HNMT: variants seen among roughly 807,000 people sequenced by gnomAD.
HNMT encodes histamine N-methyltransferase.
Under a neutral mutation model 32.1 loss-of-function variants are expected in HNMT, and 30 were observed. The observed-to-expected ratio is 0.93, with a 90% CI of 0.70 to 1.27. The LOEUF is 1.27. HNMT is among the 50% of genes most tolerant of loss of function. The probability of loss-of-function intolerance (pLI) is 0.00; values close to 1 mark genes in which losing one functional copy is unlikely to be tolerated. For synonymous variants in HNMT, 125 were observed against 119.0 expected (o/e 1.05, Z -0.33); for missense variants, 327 against 346.0 (o/e 0.95, Z 0.43).
At chr2:137,974,835 C>CAGGTGT (rs1463677261) in intron 2 of HNMT, among the ~76,000 whole-genome samples, 3 of 152,162 alleles carry the variant, frequency 2.0e-5, no homozygotes, top group Non-Finnish European at 2.9e-5. Flanking sequence ...ATATGAAATA[C>CAGGTGT]AGGTGTTATC....
chr2:138,012,575 T>C (rs1156370), intron 5 of HNMT, among the ~76,000 whole-genome samples: 32,389 of 152,004 alleles, frequency 0.21, 3,747 homozygotes, highest in South Asian at 0.3. Flanking sequence ...TTTTCACTGT[T>C]AAAGATTCTT....
chr2:138,001,174 G>A (rs1681159378), intron 3 of HNMT, 149 bp downstream of exon 3: 1 of 497,202 alleles, frequency 2.0e-6, no homozygotes, highest in Non-Finnish European at 3.6e-6. Flanking sequence ...TGGCAGGCAT[G>A]ACTAAACATC....
At position 138,013,962 on chromosome 2, in the gene HNMT, A is replaced by G. The variant is rs1173613116; in HGVS notation, c.711A>G (p.Gly237=). 6.2e-7 allele frequency: 1 copy of G among 1,613,820 alleles called. No homozygotes were observed. The highest frequency in any genetic ancestry group is 1.1e-5 in the South Asian group (1 of 91,068). ...SDCFIDGNEN[G]DLLWDFLTET... ...GCTTTATTGATGGTAATGAAAATGGAGACCTGCTTTGGGATTTTTTGACTG... is the reference window on the plus strand; with the variant it reads ...GCTTTATTGATGGTAATGAAAATGGGGACCTGCTTTGGGATTTTTTGACTG... Residue 237 remains glycine, a synonymous_variant, in exon 6 of 6, where the codon GGA becomes GGG. Coordinates refer to ENST00000280097, the MANE Select transcript of HNMT (RefSeq NM_006895.3).
intron 5 of HNMT, among the ~76,000 whole-genome samples, chr2:138,010,855 G>A (rs954224681): frequency 1.3e-5 from 2 of 152,012 alleles, no homozygotes; most frequent in South Asian, 2.1e-4. Flanking sequence ...TTCTGCAAAT[G>A]TGATAGCCAA....
Position 138,015,618 on chromosome 2 carries a change from G to A in HNMT, c.*1488G>A, listed in dbSNP as rs939372345. The A allele has an allele frequency of 2.6e-5, 4 of 152,184 alleles. No individual in the cohort carries two copies. Among genetic ancestry groups the A allele is most frequent in the South Asian group, 2.1e-4 (1 of 4,816 alleles). The allele number at this position is 152,184 out of a possible 1,614,324, so 9.4% of individuals were successfully genotyped here. ...AATTATATGTTTCAACAAATGAAAC[G>A]ACAGTTATCCAATCAGATTCCTGAA... On this transcript the variant is annotated 3_prime_UTR_variant, in exon 6 of 6. Coordinates refer to ENST00000280097, the MANE Select transcript of HNMT (RefSeq NM_006895.3).
chr2:137,964,595 T>G lies in HNMT; in HGVS notation c.104T>G (p.Phe35Cys), dbSNP rs1296917172. Reference sequence around the variant, plus strand: ...ACGGAACACCAGTGCATGCAGGAATTCATGGACAAGAAGCTGCCAGGCATA... The same window carrying G: ...ACGGAACACCAGTGCATGCAGGAATGCATGGACAAGAAGCTGCCAGGCATA... ...HSTEHQCMQE[F>C]MDKKLPGIIG... Residue 35 changes from phenylalanine to cysteine, a missense_variant, in exon 1 of 6, where the codon TTC becomes TGC. Coordinates refer to ENST00000280097, the MANE Select transcript of HNMT (RefSeq NM_006895.3). 7.4e-6 allele frequency: 12 copies of G among 1,613,654 alleles called. No individual in the cohort carries two copies. The highest frequency in any genetic ancestry group is 8.5e-6 in the Non-Finnish European group (10 of 1,179,800).
At chr2:137,968,623 T>C (rs1680030487) in intron 1 of HNMT, among the ~76,000 whole-genome samples, 1 of 152,240 alleles carries the variant, frequency 6.6e-6, no homozygotes, top group Non-Finnish European at 1.5e-5. Context: ...CTCTGCTTCA[T>C]AGCCTCCCTA....
chr2:137,965,216 C>T (rs1679919534), intron 1 of HNMT, among the ~76,000 whole-genome samples: 1 of 152,156 alleles, frequency 6.6e-6, no homozygotes, highest in South Asian at 2.1e-4. Context: ...GTGAAACTCA[C>T]TGGTTCCTAT....
At chr2:138,001,952 G>A in intron 3 of HNMT, 112 bp from the exon 4 acceptor site, 2 of 771,784 alleles carry the variant, frequency 2.6e-6, no homozygotes, top group Non-Finnish European at 3.8e-6. Flanking sequence ...AAAGAAAAAC[G>A]TTCTTTCTAT....
At chr2:137,972,963 A>G (rs1308280046) in intron 2 of HNMT, among the ~76,000 whole-genome samples, 9 of 152,190 alleles carry the variant, frequency 5.9e-5, no homozygotes, top group African/African-American at 2.2e-4. Flanking sequence ...GGAAGCTAAT[A>G]CAGAGAACTT....
chr2:137,965,739 T>C (rs1373774837), intron 1 of HNMT, among the ~76,000 whole-genome samples: 1 of 152,180 alleles, frequency 6.6e-6, no homozygotes, highest in East Asian at 1.9e-4. Context: ...TTTCTAAAGT[T>C]AAAGGTAATG....
At chr2:137,988,915 T>G (rs1680733604) in intron 2 of HNMT, among the ~76,000 whole-genome samples, 1 of 152,174 alleles carries the variant, frequency 6.6e-6, no homozygotes, top group South Asian at 2.1e-4. Flanking sequence ...TGTTTTATTT[T>G]AAAGAAAGGT....
intron 2 of HNMT, among the ~76,000 whole-genome samples, chr2:137,985,876 T>C (rs1573656658): frequency 6.6e-6 from 1 of 152,112 alleles, no homozygotes; most frequent in East Asian, 1.9e-4. Context: ...ACTTGCATTA[T>C]AAAGTATCCT....
At chr2:137,995,710 CA>C (rs995074703) in intron 2 of HNMT, among the ~76,000 whole-genome samples, 10 of 151,104 alleles carry the variant, frequency 6.6e-5, no homozygotes, top group East Asian at 1.9e-4. Flanking sequence ...AGAGACACAA[CA>C]AAAAAAAGGA....
At chr2:137,998,154 A>G (rs1433311561) in intron 2 of HNMT, among the ~76,000 whole-genome samples, 1 of 152,172 alleles carries the variant, frequency 6.6e-6, no homozygotes, top group Non-Finnish European at 1.5e-5. Flanking sequence ...AAATAAAAAA[A>G]AGCACAGAAT....
chr2:137,986,297 G>A (rs950788650), intron 2 of HNMT, among the ~76,000 whole-genome samples: 16 of 151,290 alleles, frequency 1.1e-4, no homozygotes, highest in African/African-American at 3.9e-4. Flanking sequence ...GTAAAATAAG[G>A]AATTAGCTTA....
intron 1 of HNMT, among the ~76,000 whole-genome samples, chr2:137,969,191 T>C (rs1444024924): frequency 2.6e-5 from 4 of 152,206 alleles, no homozygotes; most frequent in Non-Finnish European, 4.4e-5. Flanking sequence ...TTTATTTCTT[T>C]TCTTCTCTGT....
intron 2 of HNMT, among the ~76,000 whole-genome samples, chr2:137,970,943 AAGAAAGAAAG>A (rs1680114886): frequency 7.4e-5 from 2 of 26,990 alleles, no homozygotes; most frequent in African/African-American, 3.2e-4. Context: ...AAAAGAAAGA[AAGAAAGAAAG>A]AAAGAAAGAA....
At chr2:137,988,569 G>A (rs1680722146) in intron 2 of HNMT, 1 of 152,052 alleles carries the variant, frequency 6.6e-6, no homozygotes, top group Non-Finnish European at 1.5e-5. Context: ...AAACAGGCAA[G>A]AGGATTATAT....
Sources: gnomAD v4.1 joint callset for allele counts (sites outside exome capture counted in the v4.1 genomes callset) on GRCh38, gnomAD v4.1.1 for gene constraint, MANE v1.5 for transcripts, NCBI Gene and HGNC (gene_info 2026-07-23, HGNC 2026-07-21) for gene names.